HIVEP2: variants seen among roughly 807,000 people sequenced by gnomAD.
HIVEP2 encodes the protein HIVEP zinc finger 2.
HIVEP2 carries 14 observed loss-of-function variants against 180.7 expected under a neutral mutation model. That is an observed-to-expected ratio of 0.08 (90% CI 0.05 to 0.12). HIVEP2 has a LOEUF of 0.12. HIVEP2 is among the 10% of genes least tolerant of loss of function. HIVEP2 has a pLI of 1.00. For missense variants in HIVEP2, 2,579 were observed against 3,008.5 expected (o/e 0.86, Z 3.34); for synonymous variants, 1,184 against 1,136.4 (o/e 1.04, Z -0.84).
rs1774986783 is a variant in HIVEP2 at position 142,753,631 on chromosome 6, T to TGGAGAAGGACTCCCC, written c.6802_6816dup (p.Gly2268_Ser2272dup). 1 of 1,614,028 alleles carries TGGAGAAGGACTCCCC rather than the reference T, an allele frequency of 6.2e-7. No homozygotes were observed. Among genetic ancestry groups the TGGAGAAGGACTCCCC allele is most frequent in the Non-Finnish European group, 8.5e-7 (1 of 1,180,030 alleles). On this transcript the variant is annotated inframe_insertion, in exon 10 of 10. Transcript: ENST00000367603. Reference sequence around the variant, plus strand: ...TGCTTAGAAAGCACATAGGGGTCCTTGGAGAAGGACTCCCCTGACGCGCCT... The same window carrying TGGAGAAGGACTCCCC: ...TGCTTAGAAAGCACATAGGGGTCCTTGGAGAAGGACTCCCCGGAGAAGGACTCCCCTGACGCGCCT...
At chr6:142,821,581 C>A (rs780777764) in intron 2 of HIVEP2, among the ~76,000 whole-genome samples, 1 of 152,054 alleles carries the variant, frequency 6.6e-6, no homozygotes, top group South Asian at 2.1e-4. Context: ...AAAAATGGCA[C>A]GAGGAAGTGA....
intron 1 of HIVEP2, among the ~76,000 whole-genome samples, chr6:142,935,974 A>T (rs1562297939): frequency 6.6e-6 from 1 of 151,968 alleles, no homozygotes; most frequent in Non-Finnish European, 1.5e-5. Flanking sequence ...TTAGCCGCGC[A>T]TGGTGGTGCC....
chr6:142,926,830 T>G (rs954085749), intron 1 of HIVEP2, among the ~76,000 whole-genome samples: 2 of 150,876 alleles, frequency 1.3e-5, no homozygotes, highest in African/African-American at 2.4e-5. Context: ...GGGCCGGCCC[T>G]GCGGCGGCCG....
chr6:142,900,045 T>G (rs1777093885), intron 1 of HIVEP2, among the ~76,000 whole-genome samples: 1 of 152,198 alleles, frequency 6.6e-6, no homozygotes. Context: ...TAATATAATG[T>G]TAACAATAAA....
chr6:142,838,076 C>T (rs1185278316), intron 1 of HIVEP2, among the ~76,000 whole-genome samples: 1 of 151,974 alleles, frequency 6.6e-6, no homozygotes, highest in African/African-American at 2.4e-5. Context: ...TTGATAATCT[C>T]AGTATTAAAA....
chr6:142,839,955 T>C (rs12216122), intron 1 of HIVEP2, among the ~76,000 whole-genome samples: 31,376 of 152,068 alleles, frequency 0.21, 4,245 homozygotes, highest in Middle Eastern at 0.31. Flanking sequence ...GTGCCTCTCA[T>C]AGGCAAAAAT....
chr6:142,760,134 A>G lies in HIVEP2; in HGVS notation c.6154T>C (p.Ser2052Pro). 1 of 1,614,142 alleles carries G rather than the reference A, an allele frequency of 6.2e-7. No individual in the cohort carries two copies. Among genetic ancestry groups the G allele is most frequent in the Non-Finnish European group, 8.5e-7 (1 of 1,180,018 alleles). Residue 2052 changes from serine to proline, a missense_variant, in exon 9 of 10, where the codon TCT becomes CCT. Ser to Pro is a moderately conservative substitution (Grantham distance 74). Coordinates refer to ENST00000367603, the MANE Select transcript of HIVEP2 (RefSeq NM_006734.4). Reference protein sequence around the residue: ...SSHHSSPGYDSSPCRDNSPKR... With the variant: ...SSHHSSPGYDPSPCRDNSPKR... ...GGTGAATTATCTCGACAGGGTGAAG[A>G]ATCATATCCTGGAGAGGAATGGTGG...
chr6:142,768,304 C>A (rs530875182), intron 6 of HIVEP2, 78 bp downstream of exon 6: 86 of 1,359,232 alleles, frequency 6.3e-5, no homozygotes, highest in Non-Finnish European at 8.2e-5. Flanking sequence ...TTAGACAGTA[C>A]CTTTTCCATG....
chr6:142,776,494 T>A (rs1582848999), intron 3 of HIVEP2, among the ~76,000 whole-genome samples: 2 of 152,110 alleles, frequency 1.3e-5, no homozygotes, highest in East Asian at 3.8e-4. Context: ...AGCCTAGTTC[T>A]AATTCCCTAG....
At chr6:142,786,648 GTT>G (rs1776005753) in intron 2 of HIVEP2, among the ~76,000 whole-genome samples, 2 of 152,170 alleles carry the variant, frequency 1.3e-5, no homozygotes, top group African/African-American at 4.8e-5. Flanking sequence ...ATGCTTATAG[GTT>G]ATTACTATTA....
At position 142,773,403 on chromosome 6, in the gene HIVEP2, C is replaced by G. The variant is rs1775608435; in HGVS notation, c.1336G>C (p.Glu446Gln). ...NALSVTTTSQ[E>Q]RAAMGRKGIM... The stretch of plus-strand genomic sequence containing the variant: ...CCCTTCCTACCCATTGCGGCACGCT[C>G]CTGACTTGTGGTTGTAACACTGAGT... Residue 446 changes from glutamate (E) to glutamine (Q), a missense_variant, in exon 5 of 10, where the codon GAG becomes CAG. By Grantham distance (29) the Glu-to-Gln change is conservative. This residue lies in a region of HIVEP2 where 524 missense variants were observed against 563.6 expected (regional missense o/e 0.93). Transcript: ENST00000367603. The G allele has an allele frequency of 3.1e-6, 5 of 1,614,186 alleles. No homozygotes were observed. The highest frequency in any genetic ancestry group is 4.2e-6 in the Non-Finnish European group (5 of 1,180,030).
chr6:142,756,285 A>T (rs1401528860), intron 9 of HIVEP2, among the ~76,000 whole-genome samples: 2 of 152,164 alleles, frequency 1.3e-5, no homozygotes, highest in Non-Finnish European at 2.9e-5. Flanking sequence ...CAGGGAGCAG[A>T]GAAGGAGAAG....
intron 2 of HIVEP2, among the ~76,000 whole-genome samples, chr6:142,824,493 C>G (rs1168838591): frequency 6.6e-6 from 1 of 152,176 alleles, no homozygotes; most frequent in Non-Finnish European, 1.5e-5. Flanking sequence ...CATTTGAACT[C>G]TTGCCCCAGA....
At chr6:142,874,621 T>C (rs1776380513) in intron 1 of HIVEP2, among the ~76,000 whole-genome samples, 1 of 152,152 alleles carries the variant, frequency 6.6e-6, no homozygotes, top group African/African-American at 2.4e-5. Context: ...AAAACAATTA[T>C]ACTCTTCTAT....
At chr6:142,762,609 G>A (rs2114619875) in intron 7 of HIVEP2, among the ~76,000 whole-genome samples, 1 of 152,176 alleles carries the variant, frequency 6.6e-6, no homozygotes, top group South Asian at 2.1e-4. Flanking sequence ...CTGTGCCCTT[G>A]ACAACGCTTT....
chr6:142,915,084 A>G (rs1777517749), intron 1 of HIVEP2, among the ~76,000 whole-genome samples: 2 of 152,166 alleles, frequency 1.3e-5, no homozygotes, highest in South Asian at 4.1e-4. Flanking sequence ...TAATATTAAA[A>G]TATTGTGTAA....
chr6:142,772,849 A>C lies in HIVEP2; in HGVS notation c.1890T>G (p.Pro630=). ...SSSLKEKKLS[P]GDRVGYDYDV... is the part of the protein sequence containing the mutation. The stretch of plus-strand genomic sequence containing the variant: ...CATAGTCATACCCAACCCTGTCCCC[A>C]GGAGACAATTTCTTTTCCTTCAGGG... The change falls in exon 5 of 10, where the codon CCT becomes CCG. Residue 630 remains proline, a synonymous_variant. Coordinates refer to ENST00000367603, the MANE Select transcript of HIVEP2 (RefSeq NM_006734.4). This position sits in a 1 kb window ranked among gnomAD's most constrained non-coding sequence, Gnocchi z 4.9. The C allele has an allele frequency of 6.2e-7, 1 of 1,614,204 alleles. No homozygotes were observed. The highest frequency in any genetic ancestry group is 1.1e-5 in the South Asian group (1 of 91,084).
At position 142,773,903 on chromosome 6, in the gene HIVEP2, G is replaced by C. The variant is rs1304118451; in HGVS notation, c.836C>G (p.Thr279Arg). 6.2e-7 allele frequency: 1 copy of C among 1,613,740 alleles called. No homozygotes were observed. Among genetic ancestry groups the C allele is most frequent in the Non-Finnish European group, 8.5e-7 (1 of 1,180,046 alleles). The change falls in exon 5 of 10, where the codon ACA becomes AGA. Residue 279 changes from threonine (T) to arginine (R), a missense_variant. By Grantham distance (71) the Thr-to-Arg change is moderately conservative (BLOSUM62 -1). Around this residue, in one of 11 missense-constraint regions of HIVEP2, gnomAD observed 142 missense variants for 135.2 expected, o/e 1.05. Transcript: ENST00000367603. Reference protein sequence around the residue: ...AEIHSDGEQSTDTDEESSLFA... With the variant: ...AEIHSDGEQSRDTDEESSLFA... ...TAAAGAACTCTCCTCATCTGTGTCTGTACTCTGTTCACCATCTGAATGTAT... is the reference window on the plus strand; with the variant it reads ...TAAAGAACTCTCCTCATCTGTGTCTCTACTCTGTTCACCATCTGAATGTAT...
intron 1 of HIVEP2, among the ~76,000 whole-genome samples, chr6:142,869,979 A>G (rs1776247415): frequency 6.6e-6 from 1 of 152,120 alleles, no homozygotes; most frequent in Non-Finnish European, 1.5e-5. Flanking sequence ...GTGGCCCTTC[A>G]CAGAGATTGA....
Sources: allele counts gnomAD v4.1 joint callset (sites outside exome capture counted in the v4.1 genomes callset), GRCh38; gene constraint gnomAD v4.1.1; regional missense constraint gnomAD v4.1.1; non-coding constraint Gnocchi (gnomAD v3.1); transcripts MANE v1.5; gene names NCBI Gene and HGNC (gene_info 2026-07-23, HGNC 2026-07-21).